ASH1L: variants seen among roughly 807,000 people sequenced by gnomAD.
ASH1L encodes ASH1 like histone lysine methyltransferase, also known as histone-lysine N-methyltransferase ASH1L.
A neutral mutation model predicts 269.0 loss-of-function variants in ASH1L; 23 were observed. The observed-to-expected ratio is 0.09, with a 90% CI of 0.06 to 0.12. The LOEUF (loss-of-function observed/expected upper bound fraction) is 0.12. ASH1L is among the 10% of genes least tolerant of loss of function. ASH1L has a pLI of 1.00. For synonymous variants in ASH1L, 1,187 were observed against 1,253.5 expected, an observed-to-expected ratio of 0.95 and a Z score of 1.12; for missense variants, 2,912 against 3,567.8, an observed-to-expected ratio of 0.82 and a Z score of 4.68.
intron 2 of ASH1L, 110 bp downstream of exon 2, chr1:155,520,990 G>A (rs1191523621): frequency 1.6e-5 from 19 of 1,210,578 alleles, no homozygotes; most frequent in Admixed American, 9.4e-5. Context: ...AAACTATCTG[G>A]AAATAACATA....
At chr1:155,348,754 G>A (rs1016962830) in intron 19 of ASH1L, among the ~76,000 whole-genome samples, 9 of 151,836 alleles carry the variant, frequency 5.9e-5, no homozygotes, top group Admixed American at 5.3e-4. Context: ...GGTGGCAGGC[G>A]CCTATAATCC....
chr1:155,562,885 G>A (rs1399614875), upstream of ASH1L: 9 of 353,728 alleles, frequency 2.5e-5, no homozygotes, highest in Non-Finnish European at 3.8e-5. Context: ...CACGGCCGCC[G>A]CCGCCGCCGC....
intron 3 of ASH1L, among the ~76,000 whole-genome samples, chr1:155,467,813 GAT>G (rs1241715522): frequency 6.6e-6 from 1 of 151,888 alleles, no homozygotes; most frequent in Non-Finnish European, 1.5e-5. Flanking sequence ...ATCAGTTTGA[GAT>G]ATGTTTTACT....
chr1:155,350,602 C>T (rs1433608271), intron 17 of ASH1L, among the ~76,000 whole-genome samples: 1 of 152,082 alleles, frequency 6.6e-6, no homozygotes, highest in African/African-American at 2.4e-5. Context: ...TTCTAGTTCT[C>T]ATTAACTGCC....
In ASH1L at chr1:155,479,610, T is replaced by G; in HGVS notation, c.3260A>C (p.Gln1087Pro). ...TGAAGGCAGTAATGGGGGAAGAATC[T>G]GTCCTAATGCTGACCCAGCTGCCTG... ...AQQAAGSALG[Q>P]ILPPLLPSSA... The change falls in exon 3 of 28, where the codon CAG becomes CCG. Residue 1087 changes from glutamine (Q) to proline (P), a missense_variant. Transcript: ENST00000392403. 6.2e-7 allele frequency: 1 copy of G among 1,614,246 alleles called. No homozygotes were observed. Among genetic ancestry groups the G allele is most frequent in the Non-Finnish European group, 8.5e-7 (1 of 1,180,038 alleles).
Position 155,481,000 on chromosome 1 carries a change from T to A in ASH1L, c.1870A>T (p.Ile624Phe), listed in dbSNP as rs765011248. The A allele has an allele frequency of 8.7e-6, 14 of 1,613,932 alleles. No homozygotes were observed. Among genetic ancestry groups the A allele is most frequent in the Non-Finnish European group, 1.1e-5 (13 of 1,179,954 alleles). Residue 624 changes from isoleucine (I) to phenylalanine (F), a missense_variant, in exon 3 of 28, where the codon ATT becomes TTT. By Grantham distance (21) the Ile-to-Phe change is conservative (BLOSUM62 0). Transcript: ENST00000392403. Reference protein sequence around the residue: ...GHRSVGHSISIECKGIDKEVN... With the variant: ...GHRSVGHSISFECKGIDKEVN... ...TCTTTATCAATCCCTTTACATTCAATACTTATACTATGACCAACTGACCTA... is the reference window on the plus strand; with the variant it reads ...TCTTTATCAATCCCTTTACATTCAAAACTTATACTATGACCAACTGACCTA...
At chr1:155,507,746 C>T (rs1401267004) in intron 2 of ASH1L, among the ~76,000 whole-genome samples, 2 of 152,302 alleles carry the variant, frequency 1.3e-5, no homozygotes, top group Non-Finnish European at 2.9e-5. Flanking sequence ...CGGTGGCACA[C>T]ACCTGTGGTC....
intron 1 of ASH1L, among the ~76,000 whole-genome samples, chr1:155,537,886 T>G (rs1670161984): frequency 6.6e-6 from 1 of 152,184 alleles, no homozygotes; most frequent in Non-Finnish European, 1.5e-5. Context: ...GCCACCTCTC[T>G]GGAAGCCACT....
chr1:155,380,600 T>C (rs1338587913), intron 7 of ASH1L, among the ~76,000 whole-genome samples: 1 of 152,030 alleles, frequency 6.6e-6, no homozygotes, highest in Non-Finnish European at 1.5e-5. Context: ...GTTTTTGTCT[T>C]ATATAAAATT....
intron 1 of ASH1L, among the ~76,000 whole-genome samples, chr1:155,538,167 G>A (rs1670182305): frequency 6.6e-6 from 1 of 151,530 alleles, no homozygotes; most frequent in Admixed American, 6.6e-5. Flanking sequence ...TGGGACTACA[G>A]GTGCGCATCA....
At chr1:155,381,179 T>A (rs1656910961) in intron 7 of ASH1L, among the ~76,000 whole-genome samples, 1 of 152,176 alleles carries the variant, frequency 6.6e-6, no homozygotes, top group African/African-American at 2.4e-5. Flanking sequence ...ACATAATACT[T>A]GATAAAATGT....
Position 155,343,496 on chromosome 1 carries a change from TG to T in ASH1L, c.8121-11del. ...GGCAAACCGTTCCTCTCTAAAACAA[TG>T]GAAAAGTGAGAAGGGAGAGGTTTAG... On this transcript the variant is annotated splice_polypyrimidine_tract_variant and intron_variant, in intron 23 of 27. Transcript: ENST00000392403. This position sits in a 1 kb window ranked among gnomAD's most constrained non-coding sequence, Gnocchi z 6.1. 6.2e-7 allele frequency: 1 copy of T among 1,613,354 alleles called. No homozygotes were observed. The highest frequency in any genetic ancestry group is 8.5e-7 in the Non-Finnish European group (1 of 1,179,594).
intron 15 of ASH1L, among the ~76,000 whole-genome samples, chr1:155,355,571 G>A (rs1654303661): frequency 6.6e-6 from 1 of 152,174 alleles, no homozygotes; most frequent in African/African-American, 2.4e-5. Context: ...AAAAACTACT[G>A]ATACCTGGGT....
chr1:155,418,173 A>G lies in ASH1L; in HGVS notation c.5829-2250T>C, dbSNP rs553444918. ...AATGCAGGAAAATGTGACCCAGGGGAAAAAATCATTCAGTAGAAACAGCAA... is the reference window on the plus strand; with the variant it reads ...AATGCAGGAAAATGTGACCCAGGGGGAAAAATCATTCAGTAGAAACAGCAA... On this transcript the variant is annotated intron_variant, in intron 5 of 27. Transcript: ENST00000392403. 2.0e-5 allele frequency among the ~76,000 whole-genome samples: 3 copies of G among 152,294 alleles called. No individual in the cohort carries two copies. In the East Asian group the frequency reaches 5.8e-4, roughly 29 times the overall value.
chr1:155,422,948 T>C (rs892577318), intron 5 of ASH1L, among the ~76,000 whole-genome samples: 1 of 144,230 alleles, frequency 6.9e-6, no homozygotes. Context: ...TGAGCTGGCC[T>C]TTCTTTTTTT....
At position 155,339,251 on chromosome 1, in the gene ASH1L, G is replaced by C. The variant is rs188881460; in HGVS notation, c.8501+77C>G. 107 of 1,300,182 alleles carry C rather than the reference G, an allele frequency of 8.2e-5. No individual in the cohort carries two copies. The East Asian group carries it at 2.4e-3, about 29-fold the overall frequency. The allele number at this position is 1,300,182 out of a possible 1,614,324, so 80.5% of individuals were successfully genotyped here. The stretch of plus-strand genomic sequence containing the variant: ...CAGTCCTAGAAGTGGAGCTGAGTGG[G>C]TAGTTGTTTGTTTTCTTGATCCATT... On this transcript the variant is annotated intron_variant, in intron 26 of 27. Transcript: ENST00000392403.
chr1:155,390,642 C>G lies in ASH1L; in HGVS notation c.6103+4817G>C, dbSNP rs202139840. Among the ~76,000 whole-genome samples, 79 of 138,818 alleles carry G rather than the reference C, an allele frequency of 5.7e-4. No homozygotes were observed. In the East Asian group the frequency reaches 7.9e-3, roughly 14 times the overall value. 91.1% of individuals were successfully genotyped at this position (138,818 alleles called of 152,430 possible). A position where few individuals can be genotyped will look rare whatever the true frequency, so the allele number is the denominator to read the frequency against. ...TAGTTAATATCATTCTCCCCCCCCC[C>G]CCTTTTTTCTTTCTTTTTTTTGAGA... On this transcript the variant is annotated intron_variant, in intron 7 of 27. Transcript: ENST00000392403.
intron 1 of ASH1L, among the ~76,000 whole-genome samples, chr1:155,545,174 C>CAA (rs1558211884): frequency 4.5e-4 from 1 of 2,206 alleles, no homozygotes; most frequent in African/African-American, 9.6e-4. Flanking sequence ...CTCCATCTCA[C>CAA]CAAAAAAAAA....
intron 1 of ASH1L, among the ~76,000 whole-genome samples, chr1:155,524,248 C>T (rs1669078837): frequency 6.6e-6 from 1 of 152,106 alleles, no homozygotes; most frequent in African/African-American, 2.4e-5. Context: ...GTAGGCTGAG[C>T]ATGGTGGCTC....
Sources: gnomAD v4.1 joint callset for allele counts (sites outside exome capture counted in the v4.1 genomes callset) on GRCh38, gnomAD v4.1.1 for gene constraint, Gnocchi (gnomAD v3.1) non-coding constraint, MANE v1.5 for transcripts, NCBI Gene and HGNC (gene_info 2026-07-23, HGNC 2026-07-21) for gene names.